LRCH1: variants seen among roughly 807,000 people sequenced by gnomAD.
The protein encoded by LRCH1 is leucine-rich repeat and calponin homology domain-containing protein 1.
A neutral mutation model predicts 94.9 loss-of-function variants in LRCH1; 23 were observed. The ratio of observed to expected loss-of-function variants is 0.24; its 90% CI spans 0.17 to 0.34. The LOEUF (loss-of-function observed/expected upper bound fraction) is 0.34, where lower values mean the gene tolerates loss of function less well. LRCH1 is among the 10% of genes least tolerant of loss of function. LRCH1 has a pLI of 1.00. For missense variants in LRCH1, 790 were observed against 945.9 expected, an observed-to-expected ratio of 0.84 and a Z score of 2.16; for synonymous variants, 364 against 354.9, an observed-to-expected ratio of 1.03 and a Z score of -0.29.
rs1463758658 is a variant in LRCH1 at position 46,743,515 on chromosome 13, T to C, written c.*1667T>C. ...GTGCTATCTTGTACTCTTCAATCTG[T>C]AACACAATAAAATCCCTTTGTACGA... is the stretch of plus-strand genomic sequence containing the variant. On this transcript the variant is annotated 3_prime_UTR_variant, in exon 20 of 20. Coordinates refer to ENST00000389797, the MANE Select transcript of LRCH1 (RefSeq NM_001164211.2). 7.1e-6 allele frequency: 7 copies of C among 985,844 alleles called. No individual in the cohort carries two copies. Among genetic ancestry groups the C allele is most frequent in the Non-Finnish European group, 8.4e-6 (7 of 829,912 alleles). 61.1% of individuals were successfully genotyped at this position (985,844 alleles called of 1,614,324 possible). A position where few individuals can be genotyped will look rare whatever the true frequency, so the allele number is the denominator to read the frequency against.
At chr13:46,729,037 AC>A in intron 18 of LRCH1, 53 bp downstream of exon 18, 2 of 1,546,040 alleles carry the variant, frequency 1.3e-6, no homozygotes, top group South Asian at 2.5e-5. Context: ...TTTAGGGGGC[AC>A]TGTTGTTGGT....
chr13:46,555,331 T>A (rs1162060268), intron 1 of LRCH1, among the ~76,000 whole-genome samples: 1 of 152,228 alleles, frequency 6.6e-6, no homozygotes, highest in African/African-American at 2.4e-5. Context: ...CTGCAGAAAA[T>A]AGAGCTGGCA....
intron 1 of LRCH1, among the ~76,000 whole-genome samples, chr13:46,630,242 G>C (rs1383827174): frequency 6.6e-6 from 1 of 152,170 alleles, no homozygotes; most frequent in Non-Finnish European, 1.5e-5. Context: ...CATAATCAGT[G>C]GGTGGAACAG....
intron 1 of LRCH1, among the ~76,000 whole-genome samples, chr13:46,580,897 A>G (rs1428842336): frequency 6.6e-6 from 1 of 152,234 alleles, no homozygotes; most frequent in Non-Finnish European, 1.5e-5. Context: ...CTTATGCACA[A>G]AGGCTGAGCT....
intron 1 of LRCH1, among the ~76,000 whole-genome samples, chr13:46,599,497 CCTTG>C (rs1409795994): frequency 6.6e-6 from 1 of 152,186 alleles, no homozygotes; most frequent in East Asian, 1.9e-4. Context: ...TTCTCCACAT[CCTTG>C]CCAACATTTG....
chr13:46,556,812 T>G (rs1340543934), intron 1 of LRCH1, among the ~76,000 whole-genome samples: 1 of 152,120 alleles, frequency 6.6e-6, no homozygotes, highest in Non-Finnish European at 1.5e-5. Flanking sequence ...TCCTGGAAAT[T>G]CATTCAACCA....
At chr13:46,737,486 A>G (rs1873442542) in intron 19 of LRCH1, among the ~76,000 whole-genome samples, 1 of 152,172 alleles carries the variant, frequency 6.6e-6, no homozygotes, top group Non-Finnish European at 1.5e-5. Context: ...GCATTTTCAC[A>G]TTGGCTACAT....
At chr13:46,579,097 T>C (rs2050336527) in intron 1 of LRCH1, among the ~76,000 whole-genome samples, 1 of 152,172 alleles carries the variant, frequency 6.6e-6, no homozygotes, top group Non-Finnish European at 1.5e-5. Flanking sequence ...CTCAAGAATT[T>C]GTATGTAGCC....
intron 1 of LRCH1, among the ~76,000 whole-genome samples, chr13:46,591,522 CA>C (rs1468009562): frequency 6.6e-6 from 1 of 152,186 alleles, no homozygotes; most frequent in East Asian, 1.9e-4. Context: ...CAGTTTTCAG[CA>C]TTTACTTTAG....
chr13:46,588,067 A>G (rs1393976181), intron 1 of LRCH1, among the ~76,000 whole-genome samples: 1 of 152,202 alleles, frequency 6.6e-6, no homozygotes, highest in East Asian at 1.9e-4. Flanking sequence ...TAATGGGTAA[A>G]TCCAGTCATA....
At chr13:46,579,182 G>A (rs1308903952) in intron 1 of LRCH1, among the ~76,000 whole-genome samples, 1 of 152,182 alleles carries the variant, frequency 6.6e-6, no homozygotes, top group Non-Finnish European at 1.5e-5. Context: ...CTAAGCAGGA[G>A]TGCCCTTATA....
chr13:46,736,676 CA>C (rs1160182816), intron 19 of LRCH1, among the ~76,000 whole-genome samples: 1 of 152,094 alleles, frequency 6.6e-6, no homozygotes, highest in African/African-American at 2.4e-5. Context: ...ATAAAATATT[CA>C]CTGATTTCCT....
At position 46,711,977 on chromosome 13, in the gene LRCH1, C is replaced by T. The variant is rs911701299; in HGVS notation, c.1581+133C>T. The T allele has an allele frequency of 6.6e-5, 41 of 625,804 alleles. No individual in the cohort carries two copies. In the South Asian group the frequency reaches 1.0e-3, roughly 15 times the overall value. The allele number at this position is 625,804 out of a possible 1,614,324, so 38.8% of individuals were successfully genotyped here. ...AGTCTTTGGGGGAATCCGTCTAACT[C>T]TCATTAGCTATCATAGCTTTATCTG... On this transcript the variant is annotated intron_variant, in intron 14 of 19. Transcript: ENST00000389797.
At chr13:46,631,302 A>G (rs2051014619) in intron 1 of LRCH1, among the ~76,000 whole-genome samples, 1 of 152,130 alleles carries the variant, frequency 6.6e-6, no homozygotes, top group African/African-American at 2.4e-5. Context: ...AACTGGTTAC[A>G]ATTTTGAGGC....
At chr13:46,651,429 C>A (rs990197098) in intron 2 of LRCH1, among the ~76,000 whole-genome samples, 2 of 151,980 alleles carry the variant, frequency 1.3e-5, no homozygotes, top group Non-Finnish European at 2.9e-5. Context: ...TTTGGGAGGC[C>A]GAGGCGGAGG....
intron 1 of LRCH1, among the ~76,000 whole-genome samples, chr13:46,606,083 A>G (rs745761868): frequency 1.3e-5 from 2 of 152,166 alleles, no homozygotes; most frequent in Non-Finnish European, 2.9e-5. Context: ...AAAAGGACTC[A>G]GGACAATTTA....
At chr13:46,657,369 G>T (rs1566204338) in intron 2 of LRCH1, among the ~76,000 whole-genome samples, 1 of 128,664 alleles carries the variant, frequency 7.8e-6, no homozygotes, top group Non-Finnish European at 1.6e-5. Flanking sequence ...CCTATAACAA[G>T]TGCTGTAGAG....
At chr13:46,707,680 C>A (rs1871836712) in intron 13 of LRCH1, among the ~76,000 whole-genome samples, 1 of 152,056 alleles carries the variant, frequency 6.6e-6, no homozygotes, top group Non-Finnish European at 1.5e-5. Context: ...ATGGTCATTC[C>A]AATAATTTTG....
intron 1 of LRCH1, among the ~76,000 whole-genome samples, chr13:46,616,516 A>G (rs2050810659): frequency 6.6e-6 from 1 of 152,178 alleles, no homozygotes; most frequent in Non-Finnish European, 1.5e-5. Flanking sequence ...GTTTCTGAAA[A>G]TGAAAGTGTA....
Sources: gnomAD v4.1 joint callset for allele counts (sites outside exome capture counted in the v4.1 genomes callset) on GRCh38, gnomAD v4.1.1 for gene constraint, MANE v1.5 for transcripts, NCBI Gene and HGNC (gene_info 2026-07-23, HGNC 2026-07-21) for gene names.